Variants in ELMO1 observed in about 807,000 individuals in gnomAD.
The protein encoded by ELMO1 is engulfment and cell motility protein 1.
A neutral mutation model predicts 98.9 loss-of-function variants in ELMO1; 26 were observed. That is an observed-to-expected ratio of 0.26 (90% CI 0.19 to 0.36). The LOEUF (loss-of-function observed/expected upper bound fraction) is 0.36, where lower values mean the gene tolerates loss of function less well. Among genes scored for constraint, ELMO1 ranks in the 10% least tolerant of loss-of-function variants. ELMO1 has a pLI of 1.00. For missense variants in ELMO1, 627 were observed against 935.2 expected, an observed-to-expected ratio of 0.67 and a Z score of 4.30; for synonymous variants, 346 against 346.0, an observed-to-expected ratio of 1.00 and a Z score of 0.00.
intron 4 of ELMO1, among the ~76,000 whole-genome samples, chr7:37,281,035 A>G (rs1797110893): frequency 6.6e-6 from 1 of 151,086 alleles, no homozygotes; most frequent in Non-Finnish European, 1.5e-5. Flanking sequence ...ACACACACAT[A>G]TGATGGAATA....
intron 7 of ELMO1, among the ~76,000 whole-genome samples, chr7:37,236,417 GT>G (rs1794465479): frequency 6.6e-6 from 1 of 152,184 alleles, no homozygotes; most frequent in Non-Finnish European, 1.5e-5. Context: ...GTAAGTGAGA[GT>G]AAAGCTTTTT....
In ELMO1 at chr7:37,057,900, G is replaced by A. The variant is rs139237091; in HGVS notation, c.1300+38719C>T. ...GCCATAATATTACCAACTTCCTATTGTGTCAGCTAACACCATTTGAAAATT... is the reference window on the plus strand; with the variant it reads ...GCCATAATATTACCAACTTCCTATTATGTCAGCTAACACCATTTGAAAATT... On this transcript the variant is annotated intron_variant, in intron 15 of 21. Coordinates refer to ENST00000310758, the MANE Select transcript of ELMO1 (RefSeq NM_014800.11). Among the ~76,000 whole-genome samples, 397 of 152,274 alleles carry A rather than the reference G, an allele frequency of 2.6e-3. 3 individuals carry two copies. The highest frequency in any genetic ancestry group is 3.8e-3 in the Admixed American group (58 of 15,308).
intron 1 of ELMO1, among the ~76,000 whole-genome samples, chr7:37,446,775 C>A (rs757319805): frequency 2.0e-5 from 3 of 152,134 alleles, no homozygotes; most frequent in Admixed American, 6.5e-5. Context: ...CTGACACAAC[C>A]CCTCCCCAAG....
intron 15 of ELMO1, among the ~76,000 whole-genome samples, chr7:37,035,204 C>G (rs1795111477): frequency 1.3e-5 from 2 of 152,176 alleles, no homozygotes; most frequent in Admixed American, 1.3e-4. Flanking sequence ...TCTGCTTCCT[C>G]TTGTTGGCAG....
chr7:37,362,521 G>A (rs1221595654), intron 1 of ELMO1, among the ~76,000 whole-genome samples: 6 of 152,138 alleles, frequency 3.9e-5, no homozygotes, highest in South Asian at 2.1e-4. Flanking sequence ...TCCAGGCATC[G>A]CCTCTAGGTA....
intron 13 of ELMO1, among the ~76,000 whole-genome samples, chr7:37,184,012 T>C (rs1018004650): frequency 4.6e-5 from 7 of 152,268 alleles, no homozygotes; most frequent in African/African-American, 1.4e-4. Context: ...TTCTCATTCA[T>C]TGAAAACATG....
At chr7:37,120,520 G>A (rs1345021018) in intron 14 of ELMO1, among the ~76,000 whole-genome samples, 1 of 152,218 alleles carries the variant, frequency 6.6e-6, no homozygotes, top group Non-Finnish European at 1.5e-5. Flanking sequence ...ACAGAGCCTT[G>A]CTTGTTGCTA....
At chr7:36,892,987 C>A (rs2129054105) in intron 17 of ELMO1, among the ~76,000 whole-genome samples, 1 of 152,284 alleles carries the variant, frequency 6.6e-6, no homozygotes, top group Non-Finnish European at 1.5e-5. Context: ...ATGTCACAGG[C>A]AAAGTCTTAG....
chr7:37,001,568 C>T (rs1404401457), intron 16 of ELMO1, among the ~76,000 whole-genome samples: 1 of 152,148 alleles, frequency 6.6e-6, no homozygotes, highest in Non-Finnish European at 1.5e-5. Context: ...ATTTTGAATT[C>T]CATGCTGTGG....
intron 19 of ELMO1, among the ~76,000 whole-genome samples, chr7:36,871,132 A>G (rs1371777529): frequency 6.6e-6 from 1 of 152,246 alleles, no homozygotes; most frequent in Non-Finnish European, 1.5e-5. Context: ...GGATTCTGGA[A>G]ATAATGCAGT....
intron 18 of ELMO1, among the ~76,000 whole-genome samples, chr7:36,882,789 C>T (rs904723202): frequency 1.3e-5 from 2 of 152,214 alleles, no homozygotes; most frequent in Non-Finnish European, 2.9e-5. Flanking sequence ...GTTCTCAGAA[C>T]ATATTTGTAG....
intron 16 of ELMO1, among the ~76,000 whole-genome samples, chr7:36,915,511 T>C (rs1173224510): frequency 6.6e-6 from 1 of 152,188 alleles, no homozygotes; most frequent in African/African-American, 2.4e-5. Context: ...GCCTTAGAGA[T>C]GGATCCACCA....
At chr7:37,350,696 A>G (rs1198640904) in intron 1 of ELMO1, among the ~76,000 whole-genome samples, 3 of 152,226 alleles carry the variant, frequency 2.0e-5, no homozygotes, top group Non-Finnish European at 4.4e-5. Context: ...TGTATGTTCA[A>G]ATCCTAACCC....
At chr7:37,437,533 T>C (rs944545222) in intron 1 of ELMO1, among the ~76,000 whole-genome samples, 1 of 152,240 alleles carries the variant, frequency 6.6e-6, no homozygotes, top group Non-Finnish European at 1.5e-5. Flanking sequence ...TAATCATTCA[T>C]ATTTATGAGG....
At chr7:37,062,796 C>T (rs1040314688) in intron 15 of ELMO1, among the ~76,000 whole-genome samples, 4 of 152,136 alleles carry the variant, frequency 2.6e-5, no homozygotes, top group Non-Finnish European at 5.9e-5. Flanking sequence ...AGGGAAACCA[C>T]AGTTAGGTCG....
chr7:36,885,014 T>C (rs567262565), intron 18 of ELMO1, among the ~76,000 whole-genome samples: 55 of 152,306 alleles, frequency 3.6e-4, no homozygotes, highest in African/African-American at 1.3e-3. Flanking sequence ...ATGTTCTTAT[T>C]AATCTGTGTA....
intron 16 of ELMO1, among the ~76,000 whole-genome samples, chr7:36,921,848 C>A (rs79103115): frequency 6.6e-6 from 1 of 152,162 alleles, no homozygotes; most frequent in Non-Finnish European, 1.5e-5. Context: ...ATTTGCTGGG[C>A]TTTAGAGATT....
At chr7:37,375,814 C>T (rs1033201042) in intron 1 of ELMO1, 17 of 838,430 alleles carry the variant, frequency 2.0e-5, no homozygotes, top group Non-Finnish European at 3.0e-5. Context: ...ACACTGCAGC[C>T]GTCCAGAGAC....
intron 8 of ELMO1, among the ~76,000 whole-genome samples, chr7:37,229,493 G>T (rs1367984037): frequency 6.6e-6 from 1 of 151,940 alleles, no homozygotes; most frequent in East Asian, 1.9e-4. Context: ...AGGAGACAGA[G>T]GCTGGCAGGG....
Sources: gnomAD v4.1 joint callset for allele counts (sites outside exome capture counted in the v4.1 genomes callset) on GRCh38, gnomAD v4.1.1 for gene constraint, MANE v1.5 for transcripts, NCBI Gene and HGNC (gene_info 2026-07-23, HGNC 2026-07-21) for gene names.